PKD1L1: variants seen among roughly 807,000 people sequenced by gnomAD.
The protein encoded by PKD1L1 is polycystin-1-like protein 1.
PKD1L1 carries 236 observed loss-of-function variants against 323.4 expected under a neutral mutation model. That is an observed-to-expected ratio of 0.73 (90% CI 0.66 to 0.81). The LOEUF is 0.81. PKD1L1 is among the 40% of genes least tolerant of loss of function. PKD1L1 has a pLI of 0.00. For missense variants in PKD1L1, 3,320 were observed against 3,508.0 expected (o/e 0.95, Z 1.35); for synonymous variants, 1,344 against 1,335.0 (o/e 1.01, Z -0.15).
intron 9 of PKD1L1, among the ~76,000 whole-genome samples, chr7:47,907,396 T>C (rs1419592573): frequency 6.6e-6 from 1 of 152,078 alleles, no homozygotes; most frequent in Non-Finnish European, 1.5e-5. Context: ...CTCTTTTTTC[T>C]ACGGTAAGTG....
intron 52 of PKD1L1, among the ~76,000 whole-genome samples, chr7:47,806,459 C>T (rs536660424): frequency 2.6e-5 from 4 of 152,282 alleles, no homozygotes; most frequent in East Asian, 3.9e-4. Context: ...TAGTAGGAAG[C>T]GGGTTGACTA....
Position 47,818,096 on chromosome 7 carries a change from C to A in PKD1L1, c.6966-2639G>T, listed in dbSNP as rs775173303. 4.4e-6 allele frequency: 6 copies of A among 1,367,694 alleles called. No homozygotes were observed. In the South Asian group the frequency reaches 6.8e-5, roughly 16 times the overall value. The allele number at this position is 1,367,694 out of a possible 1,614,324, so 84.7% of individuals were successfully genotyped here. A position where few individuals can be genotyped will look rare whatever the true frequency, so the allele number is the denominator to read the frequency against. The stretch of plus-strand genomic sequence containing the variant: ...TTTTGTCAAACTATCAAATGCAGAG[C>A]AAATTGGAGGCCTGCCAGAGCACCC... On this transcript the variant is annotated intron_variant, in intron 46 of 56. Transcript: ENST00000289672.
intron 46 of PKD1L1, among the ~76,000 whole-genome samples, chr7:47,817,699 G>A (rs574311769): frequency 9.2e-5 from 14 of 152,114 alleles, no homozygotes; most frequent in African/African-American, 1.7e-4. Flanking sequence ...CTAAACCCCC[G>A]TCTTTACTAA....
intron 19 of PKD1L1, among the ~76,000 whole-genome samples, chr7:47,883,376 T>C (rs2128747292): frequency 6.6e-6 from 1 of 152,310 alleles, no homozygotes; most frequent in African/African-American, 2.4e-5. Context: ...AGACCACCCT[T>C]AGGCCTAGGA....
intron 53 of PKD1L1, among the ~76,000 whole-genome samples, chr7:47,802,940 A>C (rs1289006445): frequency 6.6e-6 from 1 of 152,226 alleles, no homozygotes; most frequent in Non-Finnish European, 1.5e-5. Flanking sequence ...GGTGATAATA[A>C]CTACTTATAT....
At position 47,859,625 on chromosome 7, in the gene PKD1L1, AC is replaced by A. The variant is rs112444167; in HGVS notation, c.4150-741del. Reference sequence around the variant, plus strand: ...TCCCAAGTGCTGGGACTAAAGACATACATTTTTTTTTTTTTTTTTGAGATGG... The same window carrying A: ...TCCCAAGTGCTGGGACTAAAGACATAATTTTTTTTTTTTTTTTTGAGATGG... On this transcript the variant is annotated intron_variant, in intron 26 of 56. Coordinates refer to ENST00000289672, the MANE Select transcript of PKD1L1 (RefSeq NM_138295.5). 4.0e-3 allele frequency among the ~76,000 whole-genome samples: 441 copies of A among 109,684 alleles called. 6 individuals carry two copies. Among genetic ancestry groups the A allele is most frequent in the African/African-American group, 0.014 (432 of 30,660 alleles). The allele number at this position is 109,684 out of a possible 152,430, so 72.0% of individuals were successfully genotyped here. A position where few individuals can be genotyped will look rare whatever the true frequency, so the allele number is the denominator to read the frequency against.
upstream of PKD1L1, chr7:47,948,641 C>T (rs1045855663): frequency 1.2e-5 from 7 of 593,790 alleles, no homozygotes; most frequent in Non-Finnish European, 1.8e-5. Flanking sequence ...TTTCCTAACA[C>T]TGTCAGACAA....
intron 56 of PKD1L1, among the ~76,000 whole-genome samples, chr7:47,777,180 C>T (rs1786587629): frequency 6.6e-6 from 1 of 152,240 alleles, no homozygotes; most frequent in African/African-American, 2.4e-5. Flanking sequence ...GCGCGAGCCA[C>T]CACACCCGGC....
intron 44 of PKD1L1, 29 bp from the exon 45 acceptor site, chr7:47,827,497 CG>C (rs751867460): frequency 6.4e-7 from 1 of 1,573,728 alleles, no homozygotes; most frequent in Non-Finnish European, 8.6e-7. Context: ...CTGTGAGCTG[CG>C]GGCTGGTGGG....
At chr7:47,909,916 G>C (rs1787281926) in intron 8 of PKD1L1, among the ~76,000 whole-genome samples, 1 of 152,176 alleles carries the variant, frequency 6.6e-6, no homozygotes, top group South Asian at 2.1e-4. Context: ...ATAAGCAGAG[G>C]CCAGAGAGAA....
intron 7 of PKD1L1, among the ~76,000 whole-genome samples, chr7:47,928,811 T>C (rs959826464): frequency 6.8e-6 from 1 of 146,940 alleles, no homozygotes; most frequent in African/African-American, 2.5e-5. Context: ...ACATTGTGTG[T>C]GTGCATATGT....
intron 24 of PKD1L1, among the ~76,000 whole-genome samples, chr7:47,873,412 A>T (rs111989283): frequency 6.6e-6 from 1 of 151,758 alleles, no homozygotes; most frequent in African/African-American, 2.4e-5. Flanking sequence ...ATTTTGGGAG[A>T]CCGAGGCGGG....
chr7:47,830,344 T>C (rs114512819), intron 42 of PKD1L1, among the ~76,000 whole-genome samples: 2,791 of 152,202 alleles, frequency 0.018, 83 homozygotes, highest in African/African-American at 0.063. Flanking sequence ...TGAAGCTGCC[T>C]AGTGGGAAAG....
intron 3 of PKD1L1, among the ~76,000 whole-genome samples, chr7:47,938,049 G>T (rs996109104): frequency 6.6e-6 from 1 of 152,106 alleles, no homozygotes; most frequent in East Asian, 1.9e-4. Context: ...CTGTGGACAT[G>T]ATTACAAAAA....
At chr7:47,781,651 C>T (rs553209995) in intron 56 of PKD1L1, among the ~76,000 whole-genome samples, 9 of 151,870 alleles carry the variant, frequency 5.9e-5, no homozygotes, top group East Asian at 1.9e-4. Context: ...CGTAGTGATC[C>T]GCCCGCCTCA....
intron 54 of PKD1L1, among the ~76,000 whole-genome samples, chr7:47,800,309 A>G (rs1037291331): frequency 3.3e-5 from 5 of 152,238 alleles, no homozygotes; most frequent in African/African-American, 1.2e-4. Flanking sequence ...GAGAAAAGGC[A>G]ACAGATACCC....
rs1785426587 is a variant in PKD1L1 at position 47,835,001 on chromosome 7, T to A, written c.6093A>T (p.Pro2031=). ...PGSARVEPHS[P]LRGGAQTEAP... ...CCTCGGTCTGTGCTCCTCCTCTAAG[T>A]GGGCTGTGTGGCTCCACTCGGGCAG... The change falls in exon 39 of 57, where the codon CCA becomes CCT. Residue 2031 remains proline, a synonymous_variant. Coordinates refer to ENST00000289672, the MANE Select transcript of PKD1L1 (RefSeq NM_138295.5). The A allele has an allele frequency of 6.2e-7, 1 of 1,613,898 alleles. No homozygotes were observed. The highest frequency in any genetic ancestry group is 8.5e-7 in the Non-Finnish European group (1 of 1,179,856).
At position 47,916,725 on chromosome 7, in the gene PKD1L1, A is replaced by G. The variant is rs191016415; in HGVS notation, c.1061-1126T>C. 6.5e-4 allele frequency among the ~76,000 whole-genome samples: 99 copies of G among 152,298 alleles called. 2 individuals carry two copies. The East Asian group carries it at 0.018, about 28-fold the overall frequency. The stretch of plus-strand genomic sequence containing the variant: ...CTGGGTGGCTAGATCCAGAAGAGAG[A>G]TAACAATCACTACAGCTCAGCTCTC... On this transcript the variant is annotated intron_variant, in intron 7 of 56. Transcript: ENST00000289672.
At position 47,790,567 on chromosome 7, in the gene PKD1L1, G is replaced by A. The variant is rs963459372; in HGVS notation, c.8526+2060C>T. 3.3e-5 allele frequency among the ~76,000 whole-genome samples: 5 copies of A among 152,036 alleles called. No homozygotes were observed. The South Asian group carries it at 6.2e-4, about 19-fold the overall frequency. On this transcript the variant is annotated intron_variant, in intron 56 of 56. Transcript: ENST00000289672. ...AGGATGGTCTTGATCTCCTGACCTCGTGATCCGCCCACCTCGGCCTCCCAA... is the reference window on the plus strand; with the variant it reads ...AGGATGGTCTTGATCTCCTGACCTCATGATCCGCCCACCTCGGCCTCCCAA...
Sources: allele counts gnomAD v4.1 joint callset (sites outside exome capture counted in the v4.1 genomes callset), GRCh38; gene constraint gnomAD v4.1.1; transcripts MANE v1.5; gene names NCBI Gene and HGNC (gene_info 2026-07-23, HGNC 2026-07-21).